The following EOGT variants were observed in gnomAD, a reference collection of about 807,000 sequenced individuals.
The protein encoded by EOGT is EGF domain-specific O-linked N-acetylglucosamine transferase.
A neutral mutation model predicts 70.5 loss-of-function variants in EOGT; 55 were observed. That is an observed-to-expected ratio of 0.78 (90% CI 0.63 to 0.98). The LOEUF is 0.98. EOGT is among the 50% of genes least tolerant of loss of function. The pLI is 0.00. For synonymous variants in EOGT, 246 were observed against 217.1 expected (o/e 1.13, Z -1.17); for missense variants, 703 against 641.9 (o/e 1.10, Z -1.03).
intron 10 of EOGT, among the ~76,000 whole-genome samples, chr3:68,994,132 G>GCA (rs1380258967): frequency 1.3e-5 from 2 of 151,934 alleles, no homozygotes. Context: ...TTATATATAC[G>GCA]CACACACACA....
At chr3:68,989,748 CAAAAAAAAAA>C in intron 10 of EOGT, among the ~76,000 whole-genome samples, 1 of 93,224 alleles carries the variant, frequency 1.1e-5, no homozygotes, top group South Asian at 4.1e-4. Flanking sequence ...AACTCCATCT[CAAAAAAAAAA>C]AAAAAAAAAA....
chr3:69,003,112 C>T (rs893241762), intron 8 of EOGT, among the ~76,000 whole-genome samples: 10 of 150,998 alleles, frequency 6.6e-5, no homozygotes, highest in African/African-American at 1.9e-4. Flanking sequence ...TCCTCCCCCT[C>T]TCTCTCCCTA....
Position 69,010,183 on chromosome 3 carries a change from G to T in EOGT, c.-14-323C>A, listed in dbSNP as rs7650746. On this transcript the variant is annotated intron_variant, in intron 3 of 17. Transcript: ENST00000383701. ...AACTTCAGCTGATGACTGGGCCTGT[G>T]AATCAAACCAACTAGGGGCCAGCAA... Among the ~76,000 whole-genome samples, 673 of 152,296 alleles carry T rather than the reference G, an allele frequency of 4.4e-3. 6 individuals carry two copies. The highest frequency in any genetic ancestry group is 0.015 in the African/African-American group (644 of 41,560).
chr3:68,997,972 GA>G, intron 10 of EOGT, 38 bp downstream of exon 10: 1 of 1,181,824 alleles, frequency 8.5e-7, no homozygotes, highest in Admixed American at 2.3e-5. Context: ...TGATACAAGG[GA>G]AAGACAGTAC....
chr3:68,984,476 T>A (rs1043090457), intron 14 of EOGT, among the ~76,000 whole-genome samples: 11 of 152,210 alleles, frequency 7.2e-5, no homozygotes, highest in African/African-American at 2.4e-4. Flanking sequence ...GCCCTATCCC[T>A]TCCGATGGCT....
chr3:68,986,011 C>G (rs553259110), intron 14 of EOGT, among the ~76,000 whole-genome samples: 1 of 152,284 alleles, frequency 6.6e-6, no homozygotes, highest in East Asian at 1.9e-4. Context: ...CCTCCATCTT[C>G]GAAGCCAGCA....
Position 68,977,600 on chromosome 3 carries a change from C to A in EOGT, c.*18G>T. On this transcript the variant is annotated 3_prime_UTR_variant, in exon 18 of 18. Transcript: ENST00000383701. ...GGAGTGTTTAAACACTCTCTTTTTG[C>A]AAACAGACTCAGCATATTTATAGCT... 6.2e-7 allele frequency: 1 copy of A among 1,610,326 alleles called. No homozygotes were observed. Among genetic ancestry groups the A allele is most frequent in the African/African-American group, 1.3e-5 (1 of 74,614 alleles).
intron 6 of EOGT, 102 bp downstream of exon 6, chr3:69,007,611 C>CA (rs2091471171): frequency 3.4e-6 from 2 of 593,522 alleles, no homozygotes; most frequent in Non-Finnish European, 5.5e-6. Context: ...GGGATCGCGC[C>CA]ACTGCACTCC....
rs1553671298 is a variant in EOGT at position 69,001,732 on chromosome 3, G to A, written c.621-18C>T. 3 of 1,528,222 alleles carry A rather than the reference G, an allele frequency of 2.0e-6. No homozygotes were observed. Among genetic ancestry groups the A allele is most frequent in the Non-Finnish European group, 1.8e-6 (2 of 1,105,110 alleles). 94.7% of individuals were successfully genotyped at this position (1,528,222 alleles called of 1,614,324 possible). ...CAGCAAACCTGAAATTATGAATTGG[G>A]ACATGACTTCAAACTGATTCTCCCA... On this transcript the variant is annotated intron_variant, in intron 8 of 17. Coordinates refer to ENST00000383701, the MANE Select transcript of EOGT (RefSeq NM_001278689.2).
At chr3:69,008,381 T>C (rs369436453) in intron 5 of EOGT, 47 bp downstream of exon 5, 3 of 1,329,518 alleles carry the variant, frequency 2.3e-6, no homozygotes, top group South Asian at 1.2e-5. Flanking sequence ...ACATACACTG[T>C]ATAGAAAGAG....
chr3:68,987,395 G>A, intron 14 of EOGT, 50 bp downstream of exon 14: 2 of 1,198,494 alleles, frequency 1.7e-6, no homozygotes, highest in Non-Finnish European at 2.4e-6. Context: ...AACACAATTT[G>A]CTCTATGAAT....
rs1356147070 is a variant in EOGT, at chr3:68,998,055, T to C, written c.787A>G (p.Asn263Asp). 6.2e-7 allele frequency: 1 copy of C among 1,601,682 alleles called. No individual in the cohort carries two copies. ...TACACGTCAGTACTGAATGAGTTAT[T>C]AACGTGCTGAGTAATATAAAGATTG... ...FINLYITQHV[N>D]NSFSTDVYIV... The change falls in exon 10 of 18, where the codon AAT becomes GAT. Residue 263 changes from asparagine (N) to aspartate (D), a missense_variant. Transcript: ENST00000383701.
intron 16 of EOGT, 106 bp downstream of exon 16, chr3:68,979,562 T>G (rs2090572185): frequency 7.9e-7 from 1 of 1,263,658 alleles, no homozygotes; most frequent in Admixed American, 2.4e-5. Context: ...GACTTCTCTT[T>G]TTGAATGATT....
At chr3:69,005,913 A>G (rs2091427723) in intron 6 of EOGT, among the ~76,000 whole-genome samples, 1 of 152,192 alleles carries the variant, frequency 6.6e-6, no homozygotes, top group South Asian at 2.1e-4. Flanking sequence ...AATGAACACA[A>G]AGTCTCAATC....
chr3:69,004,543 G>T, intron 7 of EOGT, 61 bp from the exon 8 acceptor site: 2 of 1,103,150 alleles, frequency 1.8e-6, no homozygotes, highest in Non-Finnish European at 2.7e-6. Context: ...CAAGCACGTG[G>T]GTTGTAACTA....
At chr3:68,988,613 T>G in intron 11 of EOGT, 36 bp from the exon 12 acceptor site, 1 of 1,330,696 alleles carries the variant, frequency 7.5e-7, no homozygotes, top group Non-Finnish European at 1.0e-6. Flanking sequence ...AGATGTAATT[T>G]GCACCCTTCA....
intron 8 of EOGT, among the ~76,000 whole-genome samples, chr3:69,002,563 G>C (rs1310333401): frequency 6.6e-6 from 1 of 151,378 alleles, no homozygotes; most frequent in Non-Finnish European, 1.5e-5. Flanking sequence ...CAAAATCCCA[G>C]ATAAATGTGT....
At chr3:69,003,514 T>A (rs914118233) in intron 8 of EOGT, among the ~76,000 whole-genome samples, 2 of 152,206 alleles carry the variant, frequency 1.3e-5, no homozygotes, top group African/African-American at 4.8e-5. Flanking sequence ...CCTTTGTTCC[T>A]CCTTTGCCTT....
Position 69,009,933 on chromosome 3 carries a change from CAAAAA to C in EOGT, c.-14-78_-14-74del, listed in dbSNP as rs60324569. ...GCCAAAACAACAACAACAACAACAA[CAAAAA>C]AAAAAAAAAAACAAAGGGTCAAGGG... On this transcript the variant is annotated intron_variant, in intron 3 of 17. Transcript: ENST00000383701. The C allele has an allele frequency of 1.6e-5, 4 of 255,180 alleles. 1 individual carries two copies. Among genetic ancestry groups the C allele is most frequent in the Non-Finnish European group, 3.0e-5 (4 of 133,914 alleles). 15.8% of individuals were successfully genotyped at this position (255,180 alleles called of 1,614,324 possible). A position where few individuals can be genotyped will look rare whatever the true frequency, so the allele number is the denominator to read the frequency against.
Sources: allele counts gnomAD v4.1 joint callset (sites outside exome capture counted in the v4.1 genomes callset), GRCh38; gene constraint gnomAD v4.1.1; transcripts MANE v1.5; gene names NCBI Gene and HGNC (gene_info 2026-07-23, HGNC 2026-07-21).